Variants in TGFBR2 observed in about 807,000 individuals in gnomAD.
TGFBR2 encodes the protein transforming growth factor beta receptor 2, also known as TGF-beta receptor type-2.
TGFBR2 carries 18 observed loss-of-function variants against 49.0 expected under a neutral mutation model. The observed-to-expected ratio is 0.37, with a 90% CI of 0.25 to 0.54. TGFBR2 has a LOEUF of 0.54. TGFBR2 is among the 20% of genes least tolerant of loss of function. The pLI is 0.85. For synonymous variants in TGFBR2, 282 were observed against 275.9 expected (o/e 1.02, Z -0.22); for missense variants, 525 against 722.6 (o/e 0.73, Z 3.13).
intron 1 of TGFBR2, among the ~76,000 whole-genome samples, chr3:30,627,447 G>C (rs1158220991): frequency 2.0e-5 from 3 of 151,872 alleles, no homozygotes; most frequent in Middle Eastern, 3.4e-3. Flanking sequence ...GAGGGCAATT[G>C]GTACACATGT....
intron 3 of TGFBR2, chr3:30,661,499 G>C (rs531055080): frequency 4.3e-6 from 2 of 468,606 alleles, no homozygotes; most frequent in African/African-American, 3.9e-5. Context: ...GGTTTTAATG[G>C]CCTGAAATGA....
At chr3:30,611,805 A>G (rs1698035134) in intron 1 of TGFBR2, among the ~76,000 whole-genome samples, 1 of 152,156 alleles carries the variant, frequency 6.6e-6, no homozygotes, top group Non-Finnish European at 1.5e-5. Flanking sequence ...CCACCAAAGC[A>G]GTTTTAAATA....
chr3:30,630,721 A>G (rs1422602987), intron 1 of TGFBR2, among the ~76,000 whole-genome samples: 2 of 152,182 alleles, frequency 1.3e-5, no homozygotes, highest in Non-Finnish European at 2.9e-5. Flanking sequence ...TTAAGTCATG[A>G]GTGGATTAGT....
chr3:30,646,666 A>G (rs1445436365), intron 2 of TGFBR2, among the ~76,000 whole-genome samples: 2 of 152,186 alleles, frequency 1.3e-5, no homozygotes, highest in Non-Finnish European at 2.9e-5. Flanking sequence ...AGTGAAGTTC[A>G]GGAGAGGCTG....
intron 1 of TGFBR2, among the ~76,000 whole-genome samples, chr3:30,616,526 G>T (rs1698136944): frequency 6.6e-6 from 1 of 152,154 alleles, no homozygotes; most frequent in South Asian, 2.1e-4. Context: ...TGACCAGGCT[G>T]TCTTTCTTCC....
intron 3 of TGFBR2, among the ~76,000 whole-genome samples, chr3:30,664,235 C>T (rs1242840328): frequency 6.6e-6 from 1 of 151,874 alleles, no homozygotes; most frequent in African/African-American, 2.4e-5. Context: ...CCTCCCACCT[C>T]AGCCTCACGA....
chr3:30,691,632 A>G lies in TGFBR2; in HGVS notation c.*33A>G, dbSNP rs886058306. 6.2e-7 allele frequency: 1 copy of G among 1,613,616 alleles called. No individual in the cohort carries two copies. The highest frequency in any genetic ancestry group is 2.2e-5 in the East Asian group (1 of 44,852). ...GGGGCAGGCTGGGCCATGTCCAAAG[A>G]GGCTGCCCCTCTCACCAAAGAACAG... On this transcript the variant is annotated 3_prime_UTR_variant, in exon 7 of 7. Transcript: ENST00000295754.
chr3:30,677,075 A>ATGT (rs1699453070), intron 5 of TGFBR2, among the ~76,000 whole-genome samples: 1 of 152,212 alleles, frequency 6.6e-6, no homozygotes, highest in African/African-American at 2.4e-5. Flanking sequence ...CTGTTATTCT[A>ATGT]TAAACATGAG....
Position 30,649,156 on chromosome 3 carries a change from C to T in TGFBR2, c.264-1114C>T, listed in dbSNP as rs17025911. On this transcript the variant is annotated intron_variant, in intron 2 of 6. Transcript: ENST00000295754. The stretch of plus-strand genomic sequence containing the variant: ...GCAAAACTGACTGGACCAGATTAGC[C>T]CTTCCTTCCGCTCCCTCTCTAGACA... Among the ~76,000 whole-genome samples the T allele has an allele frequency of 6.5e-3, 983 of 152,144 alleles. 11 individuals carry two copies. The highest frequency in any genetic ancestry group is 0.022 in the African/African-American group (915 of 41,468).
Position 30,691,813 on chromosome 3 carries a change from T to A in TGFBR2, c.*214T>A. 1 of 575,586 alleles carries A rather than the reference T, an allele frequency of 1.7e-6. No individual in the cohort carries two copies. The highest frequency in any genetic ancestry group is 3.1e-6 in the Non-Finnish European group (1 of 321,028). 35.7% of individuals were successfully genotyped at this position (575,586 alleles called of 1,614,324 possible). A position where few individuals can be genotyped will look rare whatever the true frequency, so the allele number is the denominator to read the frequency against. Reference sequence around the variant, plus strand: ...TTTGACATTGTCATAGGATAAGCTGTGTTAGCACTTCCTCAGGAAATGAGA... The same window carrying A: ...TTTGACATTGTCATAGGATAAGCTGAGTTAGCACTTCCTCAGGAAATGAGA... On this transcript the variant is annotated 3_prime_UTR_variant, in exon 7 of 7. Transcript: ENST00000295754.
intron 3 of TGFBR2, among the ~76,000 whole-genome samples, chr3:30,656,043 G>A (rs1698989717): frequency 2.0e-5 from 3 of 152,194 alleles, no homozygotes; most frequent in Admixed American, 6.5e-5. Flanking sequence ...AGAAGCACTG[G>A]TGTGAACTCA....
At position 30,623,201 on chromosome 3, in the gene TGFBR2, G is replaced by A. The variant is rs1698265767; in HGVS notation, c.94+16224G>A. ...GATATAATTATCCTGTTTTACAGAT[G>A]TGGAAATGGAGGCCCAGAAAGATGA... On this transcript the variant is annotated intron_variant, in intron 1 of 6. Transcript: ENST00000295754. The A allele has an allele frequency of 8.7e-6, 13 of 1,491,846 alleles. No individual in the cohort carries two copies. The East Asian group carries it at 2.7e-4, about 31-fold the overall frequency. 92.4% of individuals were successfully genotyped at this position (1,491,846 alleles called of 1,614,324 possible).
At chr3:30,666,831 A>G (rs1026089743) in intron 3 of TGFBR2, among the ~76,000 whole-genome samples, 1 of 151,254 alleles carries the variant, frequency 6.6e-6, no homozygotes, top group Non-Finnish European at 1.5e-5. Flanking sequence ...AAGTTTGTGT[A>G]GAGACAGTCT....
intron 5 of TGFBR2, among the ~76,000 whole-genome samples, chr3:30,678,270 G>A (rs890474682): frequency 1.3e-5 from 2 of 152,064 alleles, no homozygotes; most frequent in East Asian, 1.9e-4. Context: ...TGGTCCTGCC[G>A]GGCGCGGTGG....
In TGFBR2 at chr3:30,651,496, C is replaced by A. The variant is rs187213875; in HGVS notation, c.454+1036C>A. ...ATTATTTTGCAACACTTTTTTATAC[C>A]CAACCACTTTTACAATTCCTTCTAA... On this transcript the variant is annotated intron_variant, in intron 3 of 6. Coordinates refer to ENST00000295754, the MANE Select transcript of TGFBR2 (RefSeq NM_003242.6). Among the ~76,000 whole-genome samples the A allele has an allele frequency of 1.5e-4, 23 of 152,190 alleles. No homozygotes were observed. In the East Asian group the frequency reaches 1.7e-3, roughly 11 times the overall value.
intron 3 of TGFBR2, among the ~76,000 whole-genome samples, chr3:30,650,865 A>G (rs1698870811): frequency 6.6e-6 from 1 of 152,180 alleles, no homozygotes; most frequent in South Asian, 2.1e-4. Flanking sequence ...TGTGCAGCTA[A>G]AATTTGGTAA....
At chr3:30,642,069 A>G (rs971672488) in intron 1 of TGFBR2, among the ~76,000 whole-genome samples, 9 of 151,900 alleles carry the variant, frequency 5.9e-5, no homozygotes, top group African/African-American at 2.2e-4. Context: ...CCCAGCACCC[A>G]TCTCATCTGT....
intron 5 of TGFBR2, among the ~76,000 whole-genome samples, chr3:30,684,711 GGGAAT>G (rs200869606): frequency 0.043 from 6,546 of 152,214 alleles, 458 homozygotes; most frequent in African/African-American, 0.15. Flanking sequence ...TGTATCCCTT[GGGAAT>G]ATTAGGGAGT....
intron 3 of TGFBR2, among the ~76,000 whole-genome samples, chr3:30,653,660 G>A (rs62244423): frequency 0.076 from 11,510 of 152,192 alleles, 610 homozygotes; most frequent in South Asian, 0.17. Flanking sequence ...CAGTACTCTT[G>A]TTGGCAAGTT....
Sources: gnomAD v4.1 joint callset for allele counts (sites outside exome capture counted in the v4.1 genomes callset) on GRCh38, gnomAD v4.1.1 for gene constraint, MANE v1.5 for transcripts, NCBI Gene and HGNC (gene_info 2026-07-23, HGNC 2026-07-21) for gene names.